The following KCNMA1 variants were observed in gnomAD, a reference collection of about 807,000 sequenced individuals.
The protein encoded by KCNMA1 is Calcium-activated potassium channel subunit alpha-1.
A neutral mutation model predicts 140.0 loss-of-function variants in KCNMA1; 29 were observed. The observed-to-expected ratio is 0.21, with a 90% CI of 0.15 to 0.28. The LOEUF (loss-of-function observed/expected upper bound fraction) is 0.28, where lower values mean the gene tolerates loss of function less well. KCNMA1 is among the 10% of genes least tolerant of loss of function. The probability of loss-of-function intolerance (pLI) is 1.00; values close to 1 mark genes in which losing one functional copy is unlikely to be tolerated. For synonymous variants in KCNMA1, 612 were observed against 611.9 expected, an observed-to-expected ratio of 1.00 and a Z score of 0.00; for missense variants, 880 against 1,602.2, an observed-to-expected ratio of 0.55 and a Z score of 7.70.
intron 1 of KCNMA1, among the ~76,000 whole-genome samples, chr10:77,572,008 A>T (rs1183332645): frequency 2.0e-5 from 3 of 152,214 alleles, no homozygotes; most frequent in Admixed American, 1.3e-4. Context: ...ACGCCTGTGT[A>T]GTCAGCAGTT....
At chr10:77,347,672 A>G (rs1351397866) in intron 2 of KCNMA1, among the ~76,000 whole-genome samples, 1 of 152,160 alleles carries the variant, frequency 6.6e-6, no homozygotes, top group Non-Finnish European at 1.5e-5. Flanking sequence ...ATTGGGAATA[A>G]AACAATAGGG....
chr10:76,938,157 C>T (rs1351750435), intron 23 of KCNMA1, among the ~76,000 whole-genome samples: 2 of 152,138 alleles, frequency 1.3e-5, no homozygotes, highest in African/African-American at 2.4e-5. Flanking sequence ...CTGAGGCTCT[C>T]CTTTGCTCCT....
At chr10:77,176,367 C>T (rs1023096411) in intron 5 of KCNMA1, among the ~76,000 whole-genome samples, 2 of 152,112 alleles carry the variant, frequency 1.3e-5, no homozygotes, top group African/African-American at 4.8e-5. Context: ...ACTGCAGCTG[C>T]ACAGGAAGGG....
chr10:77,251,375 G>A (rs1214223316), intron 2 of KCNMA1, 119 bp from the exon 3 acceptor site: 2 of 768,260 alleles, frequency 2.6e-6, no homozygotes, highest in African/African-American at 1.7e-5. Flanking sequence ...GGACCTGCTT[G>A]GAAATCTCAC....
chr10:77,180,440 C>T (rs942484827), intron 5 of KCNMA1, among the ~76,000 whole-genome samples: 4 of 152,166 alleles, frequency 2.6e-5, no homozygotes, highest in Non-Finnish European at 5.9e-5. Flanking sequence ...AAGGAGATTT[C>T]GCTACCAAAG....
At chr10:77,365,895 T>C (rs2094320147) in intron 2 of KCNMA1, among the ~76,000 whole-genome samples, 1 of 152,164 alleles carries the variant, frequency 6.6e-6, no homozygotes, top group Non-Finnish European at 1.5e-5. Context: ...CCTCCCAGGG[T>C]CTCAGTTATA....
At chr10:77,401,227 G>A (rs1025930182) in intron 2 of KCNMA1, among the ~76,000 whole-genome samples, 1 of 151,582 alleles carries the variant, frequency 6.6e-6, no homozygotes, top group African/African-American at 2.4e-5. Flanking sequence ...CAGCAGAGCC[G>A]CTCACTGCAA....
chr10:77,285,752 C>T (rs1371086475), intron 2 of KCNMA1, among the ~76,000 whole-genome samples: 1 of 152,188 alleles, frequency 6.6e-6, no homozygotes, highest in Non-Finnish European at 1.5e-5. Context: ...TCAAATGCTG[C>T]CTCTGCCCCT....
At chr10:77,210,602 T>C (rs2045744760) in intron 3 of KCNMA1, among the ~76,000 whole-genome samples, 1 of 152,074 alleles carries the variant, frequency 6.6e-6, no homozygotes, top group African/African-American at 2.4e-5. Flanking sequence ...GGCAACCAAA[T>C]AGGAAAAGAA....
chr10:77,464,054 C>T (rs1232533697), intron 1 of KCNMA1, among the ~76,000 whole-genome samples: 1 of 152,186 alleles, frequency 6.6e-6, no homozygotes, highest in East Asian at 1.9e-4. Context: ...CCACAAGATC[C>T]TCAGATTTCC....
chr10:77,593,869 C>T lies in KCNMA1; in HGVS notation c.378+43396G>A, dbSNP rs542355200. 2.3e-4 allele frequency among the ~76,000 whole-genome samples: 35 copies of T among 152,286 alleles called. No homozygotes were observed. In the South Asian group the frequency reaches 6.4e-3, roughly 28 times the overall value. On this transcript the variant is annotated intron_variant, in intron 1 of 27. Coordinates refer to ENST00000286628, the MANE Select transcript of KCNMA1 (RefSeq NM_001161352.2). ...GCACAATAAGGAAACCCAGGCATTC[C>T]CCTGGAGGGGAAAGCATCCAAATTG...
chr10:76,908,069 C>G (rs1485566834), intron 25 of KCNMA1, among the ~76,000 whole-genome samples: 2 of 152,110 alleles, frequency 1.3e-5, no homozygotes, highest in South Asian at 4.1e-4. Context: ...GCTCTTAGAA[C>G]AGTCTTCTGA....
At chr10:77,231,291 A>G (rs1422947285) in intron 3 of KCNMA1, among the ~76,000 whole-genome samples, 1 of 152,174 alleles carries the variant, frequency 6.6e-6, no homozygotes, top group Non-Finnish European at 1.5e-5. Context: ...ATTGAGTATC[A>G]GCATGAGAAG....
At chr10:76,987,474 T>C (rs2081590689) in intron 19 of KCNMA1, among the ~76,000 whole-genome samples, 1 of 152,200 alleles carries the variant, frequency 6.6e-6, no homozygotes, top group African/African-American at 2.4e-5. Context: ...GGCCATACCC[T>C]TTTTGTTACA....
rs376723692 is a variant in KCNMA1 at position 77,637,343 on chromosome 10, C to G, written c.300G>C (p.Gly100=). The change falls in exon 1 of 28, where the codon GGG becomes GGC. Residue 100 remains glycine, a synonymous_variant. Transcript: ENST00000286628. ...FLASSMVTFF[G]GLFIILLWRT... is the part of the protein sequence containing the mutation. Reference sequence around the variant, plus strand: ...GCCAGAGCAAGATGATGAAGAGGCCCCCGAAGAAAGTCACCATGGAGGAGG... The same window carrying G: ...GCCAGAGCAAGATGATGAAGAGGCCGCCGAAGAAAGTCACCATGGAGGAGG... The G allele has an allele frequency of 1.2e-6, 2 of 1,613,810 alleles. No individual in the cohort carries two copies. The highest frequency in any genetic ancestry group is 1.7e-6 in the Non-Finnish European group (2 of 1,179,954).
chr10:77,017,689 A>G (rs1387250668), intron 17 of KCNMA1, among the ~76,000 whole-genome samples: 1 of 152,202 alleles, frequency 6.6e-6, no homozygotes, highest in Non-Finnish European at 1.5e-5. Context: ...CCACGGTCAC[A>G]TGTCATCGTT....
chr10:77,592,531 G>A (rs1373152800), intron 1 of KCNMA1, among the ~76,000 whole-genome samples: 1 of 152,218 alleles, frequency 6.6e-6, no homozygotes, highest in African/African-American at 2.4e-5. Context: ...CAAATTTTCT[G>A]TATAATATTT....
downstream of KCNMA1, chr10:76,874,982 T>C (rs932821605): frequency 6.6e-6 from 1 of 152,176 alleles, no homozygotes; most frequent in African/African-American, 2.4e-5. Context: ...AGCCTCATAA[T>C]GTGGACTGTA....
intron 1 of KCNMA1, chr10:77,636,345 G>A (rs1292217923): frequency 6.5e-7 from 1 of 1,529,452 alleles, no homozygotes; most frequent in Non-Finnish European, 8.8e-7. Flanking sequence ...CATCGAAGGT[G>A]TCGCCAGCCT....
Sources: gnomAD v4.1 joint callset for allele counts (sites outside exome capture counted in the v4.1 genomes callset) on GRCh38, gnomAD v4.1.1 for gene constraint, MANE v1.5 for transcripts, NCBI Gene and HGNC (gene_info 2026-07-23, HGNC 2026-07-21) for gene names.